Variants in IGF1R observed in about 807,000 individuals in gnomAD.
IGF1R encodes the protein insulin-like growth factor 1 receptor.
In IGF1R, 44 loss-of-function variants were observed where a neutral mutation model predicts 144.6. The ratio of observed to expected loss-of-function variants is 0.30; its 90% CI spans 0.24 to 0.39. The LOEUF (loss-of-function observed/expected upper bound fraction) is 0.39, where lower values mean the gene tolerates loss of function less well. IGF1R is among the 10% of genes least tolerant of loss of function. The pLI is 1.00. For synonymous variants in IGF1R, 795 were observed against 722.8 expected (o/e 1.10, Z -1.60); for missense variants, 1,355 against 1,833.7 (o/e 0.74, Z 4.77).
At chr15:98,772,763 G>T (rs919071046) in intron 2 of IGF1R, among the ~76,000 whole-genome samples, 1 of 151,616 alleles carries the variant, frequency 6.6e-6, no homozygotes, top group African/African-American at 2.4e-5. Context: ...CCTTGTTGGG[G>T]AGGAATCAAT....
chr15:98,701,324 ATTTTTTTTTTTTTTTTTTT>A (rs10581900), intron 1 of IGF1R, among the ~76,000 whole-genome samples: 1 of 73,000 alleles, frequency 1.4e-5, no homozygotes, highest in Non-Finnish European at 2.6e-5. Flanking sequence ...AGCCTATCTC[ATTTTTTTTTTTTTTTTTTT>A]TTTTTTTTTT....
chr15:98,930,242 A>C lies in IGF1R; in HGVS notation c.2893A>C (p.Ser965Arg). 2 of 1,612,960 alleles carry C rather than the reference A, an allele frequency of 1.2e-6. No individual in the cohort carries two copies. Among genetic ancestry groups the C allele is most frequent in the Non-Finnish European group, 8.5e-7 (1 of 1,179,110 alleles). ...ATTTAATCTTTTTGACAGAAATAAC[A>C]GCAGGCTGGGGAATGGAGTGCTGTA... ...LYVFHRKRNN[S>R]RLGNGVLYAS... The change falls in exon 15 of 21, where the codon AGC becomes CGC. Residue 965 changes from serine to arginine, a missense_variant. Ser to Arg is a moderately radical substitution (Grantham distance 110, BLOSUM62 -1). Around this residue, in one of 7 missense-constraint regions of IGF1R, gnomAD observed 880 missense variants for 1,202.7 expected, o/e 0.73. Coordinates refer to ENST00000650285, the MANE Select transcript of IGF1R (RefSeq NM_000875.5).
At chr15:98,658,986 A>T (rs1567061097) in intron 1 of IGF1R, among the ~76,000 whole-genome samples, 1 of 152,256 alleles carries the variant, frequency 6.6e-6, no homozygotes, top group Non-Finnish European at 1.5e-5. Flanking sequence ...ACACATGTCA[A>T]GTGCCTAGAA....
At chr15:98,713,150 C>T (rs550835789) in intron 2 of IGF1R, among the ~76,000 whole-genome samples, 1 of 152,134 alleles carries the variant, frequency 6.6e-6, no homozygotes, top group African/African-American at 2.4e-5. Context: ...CTTGCCTTTT[C>T]CTCTCAAGGA....
intron 1 of IGF1R, among the ~76,000 whole-genome samples, chr15:98,673,946 A>G (rs1226177487): frequency 6.6e-6 from 1 of 152,210 alleles, no homozygotes; most frequent in Non-Finnish European, 1.5e-5. Flanking sequence ...TTTGGAAAAA[A>G]TGTACAGCCA....
At chr15:98,887,831 A>G (rs2013715495) in intron 2 of IGF1R, among the ~76,000 whole-genome samples, 2 of 152,140 alleles carry the variant, frequency 1.3e-5, no homozygotes, top group Non-Finnish European at 2.9e-5. Flanking sequence ...ACCCTCTCTG[A>G]TCATCATGTC....
At chr15:98,709,435 A>G (rs965045696) in intron 2 of IGF1R, among the ~76,000 whole-genome samples, 10 of 152,212 alleles carry the variant, frequency 6.6e-5, no homozygotes, top group Non-Finnish European at 1.0e-4. Context: ...TACCTTGTAG[A>G]GCTCTGAGAA....
chr15:98,684,809 A>G (rs2053283664), intron 1 of IGF1R, among the ~76,000 whole-genome samples: 1 of 151,446 alleles, frequency 6.6e-6, no homozygotes, highest in Non-Finnish European at 1.5e-5. Context: ...GCTAATATTT[A>G]GTGAGTGTGA....
intron 2 of IGF1R, among the ~76,000 whole-genome samples, chr15:98,796,081 A>G (rs867420599): frequency 2.6e-4 from 39 of 152,100 alleles, no homozygotes; most frequent in Middle Eastern, 3.4e-3. Flanking sequence ...GCAGACACAG[A>G]TCCCCAGCAC....
intron 2 of IGF1R, among the ~76,000 whole-genome samples, chr15:98,864,427 G>A (rs2012318503): frequency 6.6e-6 from 1 of 152,236 alleles, no homozygotes; most frequent in East Asian, 1.9e-4. Context: ...CTGTCACCCA[G>A]GCTGGAGTGC....
At chr15:98,843,099 C>T (rs1353457087) in intron 2 of IGF1R, among the ~76,000 whole-genome samples, 2 of 152,212 alleles carry the variant, frequency 1.3e-5, no homozygotes, top group African/African-American at 4.8e-5. Context: ...TGCTCACCGG[C>T]ATGTGTGTCC....
chr15:98,912,192 C>T (rs1596440286), intron 7 of IGF1R, among the ~76,000 whole-genome samples: 1 of 152,340 alleles, frequency 6.6e-6, no homozygotes, highest in East Asian at 1.9e-4. Context: ...AGTTCTCTCT[C>T]CCAGATGTGT....
Position 98,922,305 on chromosome 15 carries a change from A to C in IGF1R, c.2359A>C (p.Arg787=). The change falls in exon 11 of 21, where the codon AGA becomes CGA. Residue 787 remains arginine (R), a synonymous_variant. Coordinates refer to ENST00000650285, the MANE Select transcript of IGF1R (RefSeq NM_000875.5). Reference sequence around the variant, plus strand: ...TGAGAGCAGAGTGGATAACAAGGAGAGAACTGTCATTTCTAACCTTCGGCC... The same window carrying C: ...TGAGAGCAGAGTGGATAACAAGGAGCGAACTGTCATTTCTAACCTTCGGCC... ...FFESRVDNKE[R]TVISNLRPFT... The C allele has an allele frequency of 6.2e-7, 1 of 1,614,158 alleles. No homozygotes were observed. Among genetic ancestry groups the C allele is most frequent in the Non-Finnish European group, 8.5e-7 (1 of 1,180,020 alleles).
intron 2 of IGF1R, among the ~76,000 whole-genome samples, chr15:98,814,285 G>T (rs901199026): frequency 6.6e-6 from 1 of 151,418 alleles, no homozygotes; most frequent in African/African-American, 2.5e-5. Context: ...TTACCAGGCA[G>T]TGAAAGCTTT....
chr15:98,677,305 T>C (rs2053073130), intron 1 of IGF1R, among the ~76,000 whole-genome samples: 1 of 152,212 alleles, frequency 6.6e-6, no homozygotes, highest in South Asian at 2.1e-4. Flanking sequence ...GTACTTATCT[T>C]GTACCTACCC....
chr15:98,788,056 C>G (rs2312240), intron 2 of IGF1R, among the ~76,000 whole-genome samples: 29,536 of 105,294 alleles, frequency 0.28, 3,865 homozygotes, highest in Middle Eastern at 0.41. Context: ...CTCTCTCTCT[C>G]TCTCTCTGTG....
At chr15:98,916,178 C>T (rs1479407108) in intron 9 of IGF1R, 47 bp downstream of exon 9, 1 of 1,590,958 alleles carries the variant, frequency 6.3e-7, no homozygotes, top group Non-Finnish European at 8.6e-7. Flanking sequence ...CCGTTCATTC[C>T]TGTGGTTGTA....
intron 2 of IGF1R, among the ~76,000 whole-genome samples, chr15:98,838,130 T>G (rs1367636044): frequency 6.6e-6 from 1 of 152,218 alleles, no homozygotes; most frequent in Non-Finnish European, 1.5e-5. Flanking sequence ...GAGAAAAAAC[T>G]TAGATTTTCT....
intron 2 of IGF1R, among the ~76,000 whole-genome samples, chr15:98,862,200 A>T (rs1382299154): frequency 1.3e-5 from 2 of 152,260 alleles, no homozygotes; most frequent in African/African-American, 4.8e-5. Flanking sequence ...GAGCAGAAGC[A>T]TATATTATCT....
Sources: gnomAD v4.1 joint callset for allele counts (sites outside exome capture counted in the v4.1 genomes callset) on GRCh38, gnomAD v4.1.1 for gene constraint, gnomAD v4.1.1 regional missense constraint, MANE v1.5 for transcripts, NCBI Gene and HGNC (gene_info 2026-07-23, HGNC 2026-07-21) for gene names.